The following PBLD variants were observed in gnomAD, a reference collection of about 807,000 sequenced individuals.
PBLD encodes the protein phenazine biosynthesis-like domain-containing protein.
Under a neutral mutation model 31.3 loss-of-function variants are expected in PBLD, and 26 were observed. That is an observed-to-expected ratio of 0.83 (90% CI 0.61 to 1.15). The LOEUF (loss-of-function observed/expected upper bound fraction) is 1.15, where lower values mean the gene tolerates loss of function less well. PBLD is among the 50% of genes most tolerant of loss of function. The pLI, the probability that PBLD is intolerant of heterozygous loss-of-function variation, is 0.00. For synonymous variants in PBLD, 114 were observed against 129.0 expected, an observed-to-expected ratio of 0.88 and a Z score of 0.79; for missense variants, 307 against 351.7, an observed-to-expected ratio of 0.87 and a Z score of 1.02.
intron 8 of PBLD, chr10:68,287,526 C>G (rs1017789255): frequency 6.6e-6 from 1 of 152,336 alleles, no homozygotes; most frequent in Non-Finnish European, 1.5e-5. Context: ...GCCCTGCCAT[C>G]TGACCAGAAC....
intron 1 of PBLD, among the ~76,000 whole-genome samples, chr10:68,330,564 G>A (rs961062617): frequency 6.6e-6 from 1 of 152,100 alleles, no homozygotes; most frequent in Admixed American, 6.5e-5. Flanking sequence ...AAAGGGAGGT[G>A]GGACGGAGTC....
intron 8 of PBLD, among the ~76,000 whole-genome samples, chr10:68,286,872 C>CAT (rs1279382329): frequency 3.1e-3 from 75 of 24,558 alleles, no homozygotes; most frequent in African/African-American, 6.6e-3. Flanking sequence ...ATGGGGTGGG[C>CAT]GTCCCAGCAC....
Position 68,284,230 on chromosome 10 carries a change from C to G in PBLD, c.814G>C (p.Val272Leu), listed in dbSNP as rs1262635593. 3 of 1,614,142 alleles carry G rather than the reference C, an allele frequency of 1.9e-6. No individual in the cohort carries two copies. In the East Asian group the frequency reaches 6.7e-5, roughly 36 times the overall value. The change falls in exon 10 of 10, where the codon GTT becomes CTT. Residue 272 changes from valine to leucine, a missense_variant. Val to Leu is a conservative substitution (Grantham distance 32). Transcript: ENST00000358769. ...ACAGCTGCACCTCCTCTAATGTCAA[C>G]CCTTCCGTCTGGACGAAGGGAAATT... ...LGISLRPDGR[V>L]DIRGGAAVVL...
intron 1 of PBLD, among the ~76,000 whole-genome samples, chr10:68,311,926 A>T (rs531819082): frequency 7.2e-4 from 110 of 152,346 alleles, no homozygotes; most frequent in African/African-American, 2.4e-3. Context: ...GCATTGTGGG[A>T]AAGTATTGTA....
At chr10:68,286,729 C>T (rs1312332653) in intron 8 of PBLD, among the ~76,000 whole-genome samples, 1 of 152,122 alleles carries the variant, frequency 6.6e-6, no homozygotes, top group Non-Finnish European at 1.5e-5. Flanking sequence ...CACGTTTGTA[C>T]TCTAGATTTA....
At chr10:68,304,710 C>T (rs1246967101) in intron 2 of PBLD, among the ~76,000 whole-genome samples, 1 of 152,138 alleles carries the variant, frequency 6.6e-6, no homozygotes, top group African/African-American at 2.4e-5. Flanking sequence ...ATATTCTATT[C>T]AATATAAACT....
chr10:68,308,863 T>TGTGC (rs2044619767), intron 1 of PBLD, among the ~76,000 whole-genome samples: 1 of 148,970 alleles, frequency 6.7e-6, no homozygotes, highest in Non-Finnish European at 1.5e-5. Context: ...TGTGTGTGTG[T>TGTGC]GTGTGTGTGT....
chr10:68,319,095 GAAA>G, intron 1 of PBLD, among the ~76,000 whole-genome samples: 1 of 125,510 alleles, frequency 8.0e-6, no homozygotes, highest in African/African-American at 3.4e-5. Context: ...AAGAAAGAAA[GAAA>G]GAAAGAAAGA....
chr10:68,293,830 C>T lies in PBLD; in HGVS notation c.284-1592G>A, dbSNP rs181445488. Among the ~76,000 whole-genome samples the T allele has an allele frequency of 6.8e-3, 1,032 of 151,980 alleles. 15 individuals carry two copies. Among genetic ancestry groups the T allele is most frequent in the African/African-American group, 0.023 (958 of 41,432 alleles). On this transcript the variant is annotated intron_variant, in intron 4 of 9. Coordinates refer to ENST00000358769, the MANE Select transcript of PBLD (RefSeq NM_022129.4). The stretch of plus-strand genomic sequence containing the variant: ...TCTCTACTAAAAATACAAAAATTAG[C>T]CAGGCGTGGTGGCAGGCACCTGTAA...
At chr10:68,322,970 G>A (rs1033911810) in intron 1 of PBLD, among the ~76,000 whole-genome samples, 72 of 151,964 alleles carry the variant, frequency 4.7e-4, no homozygotes, top group Middle Eastern at 3.4e-3. Context: ...CAAACTCCTG[G>A]TCTCAAGCAA....
intron 6 of PBLD, among the ~76,000 whole-genome samples, chr10:68,291,198 C>T (rs1403249239): frequency 6.6e-6 from 1 of 152,230 alleles, no homozygotes; most frequent in African/African-American, 2.4e-5. Context: ...TCCAGGGCTG[C>T]TCTGGCCCTG....
intron 1 of PBLD, among the ~76,000 whole-genome samples, chr10:68,312,289 A>G (rs368533991): frequency 7.9e-5 from 12 of 152,272 alleles, no homozygotes; most frequent in African/African-American, 2.9e-4. Flanking sequence ...ATACTAATTT[A>G]CATTCCAGCC....
At chr10:68,305,334 G>A (rs61857271) in intron 2 of PBLD, among the ~76,000 whole-genome samples, 147,842 of 147,844 alleles carry the variant, frequency 1, 73,920 homozygotes, top group Non-Finnish European at 1. Context: ...GTTGGACTCT[G>A]GCTCCTGGCC....
At chr10:68,289,799 G>C (rs1328439253) in intron 6 of PBLD, among the ~76,000 whole-genome samples, 1 of 151,996 alleles carries the variant, frequency 6.6e-6, no homozygotes, top group Non-Finnish European at 1.5e-5. Context: ...GAGCTGTGAG[G>C]ATTAAATAAA....
chr10:68,332,434 A>G (rs934621440), intron 1 of PBLD, among the ~76,000 whole-genome samples: 1 of 152,162 alleles, frequency 6.6e-6, no homozygotes, highest in Non-Finnish European at 1.5e-5. Context: ...AATTCAGTGG[A>G]CGACGCCGAG....
At chr10:68,330,865 T>C (rs1199331765) in intron 1 of PBLD, among the ~76,000 whole-genome samples, 2 of 151,766 alleles carry the variant, frequency 1.3e-5, no homozygotes, top group Non-Finnish European at 2.9e-5. Context: ...GGTTTTTCTT[T>C]GTGTTTGAGA....
intron 1 of PBLD, among the ~76,000 whole-genome samples, chr10:68,319,821 T>A (rs1168733471): frequency 1.4e-5 from 2 of 139,894 alleles, no homozygotes; most frequent in Non-Finnish European, 3.0e-5. Context: ...TATTTATTTT[T>A]ATTTATTTAT....
intron 6 of PBLD, among the ~76,000 whole-genome samples, chr10:68,290,604 C>A (rs1381834238): frequency 6.6e-6 from 1 of 152,070 alleles, no homozygotes; most frequent in African/African-American, 2.4e-5. Context: ...GTAATCTCAG[C>A]TACTTGCGAG....
chr10:68,287,053 T>C (rs7475444), intron 8 of PBLD: 112,274 of 150,036 alleles, frequency 0.75, 42,675 homozygotes, highest in Middle Eastern at 0.84. Flanking sequence ...CTCTTGAACT[T>C]GGGAGATAGA....
Sources: allele counts gnomAD v4.1 joint callset (sites outside exome capture counted in the v4.1 genomes callset), GRCh38; gene constraint gnomAD v4.1.1; transcripts MANE v1.5; gene names NCBI Gene and HGNC (gene_info 2026-07-23, HGNC 2026-07-21).